The following KCNQ1OT1 variants were observed in gnomAD, a reference collection of about 807,000 sequenced individuals.
KCNQ1OT1 encodes KCNQ1 opposite strand/antisense transcript 1.
exon 1 of KCNQ1OT1, chr11:2,610,086 C>G: frequency 2.5e-6 from 1 of 397,872 alleles, no homozygotes; most frequent in East Asian, 3.6e-5. Context: ...TCTTGTTCCT[C>G]TATTTCTCCT....
In KCNQ1OT1 at chr11:2,671,870, G is replaced by A. The variant is rs1024819992; in HGVS notation, n.28125C>T. 2.0e-5 allele frequency: 8 copies of A among 398,698 alleles called. No homozygotes were observed. In the South Asian group the frequency reaches 1.0e-3, roughly 51 times the overall value. 24.7% of individuals were successfully genotyped at this position (398,698 alleles called of 1,614,324 possible). ...TTCTGCCCCAGGGAGCCAAGCCCTGGAGAGGAGGTGGGCAGCACCAGGCAG... is the reference window on the plus strand; with the variant it reads ...TTCTGCCCCAGGGAGCCAAGCCCTGAAGAGGAGGTGGGCAGCACCAGGCAG... On this transcript the variant is annotated non_coding_transcript_exon_variant, in exon 1 of 1. Coordinates refer to ENST00000597346, the Ensembl canonical transcript of KCNQ1OT1. The surrounding 1 kb of genome is among the most constrained non-coding windows in gnomAD (Gnocchi z 4.7).
exon 1 of KCNQ1OT1, chr11:2,672,066 G>C (rs1377849705): frequency 1.3e-5 from 5 of 398,516 alleles, no homozygotes. Flanking sequence ...TCCTCCCCTG[G>C]TCCCTGGTCT....
rs1018523882 is a variant in KCNQ1OT1 at position 2,676,679 on chromosome 11, G to A, written n.23316C>T. 13 of 398,532 alleles carry A rather than the reference G, an allele frequency of 3.3e-5. No individual in the cohort carries two copies. Among genetic ancestry groups the A allele is most frequent in the Non-Finnish European group, 4.9e-5 (11 of 226,076 alleles). The allele number at this position is 398,532 out of a possible 1,614,324, so 24.7% of individuals were successfully genotyped here. ...TAAGGTCTTGAGTATTTCCAAGGGA[G>A]CACTAACTGGACTACAGCCTGGCAG... On this transcript the variant is annotated non_coding_transcript_exon_variant, in exon 1 of 1. Transcript: ENST00000597346. The surrounding 1 kb of genome is among the most constrained non-coding windows in gnomAD (Gnocchi z 4.2).
Position 2,613,425 on chromosome 11 carries a change from G to A in KCNQ1OT1, n.86570C>T, listed in dbSNP as rs774110566. The A allele has an allele frequency of 1.0e-5, 4 of 398,560 alleles. No homozygotes were observed. Among genetic ancestry groups the A allele is most frequent in the Non-Finnish European group, 1.3e-5 (3 of 226,062 alleles). 24.7% of individuals were successfully genotyped at this position (398,560 alleles called of 1,614,324 possible). ...ACTGAAATCCTTGTTGCTTAACATA[G>A]TGCATAGGGTTTTCTATGGAATTCA... On this transcript the variant is annotated non_coding_transcript_exon_variant, in exon 1 of 1. Coordinates refer to ENST00000597346, the Ensembl canonical transcript of KCNQ1OT1. This position sits in a 1 kb window ranked among gnomAD's most constrained non-coding sequence, Gnocchi z 4.8.
chr11:2,662,415 T>G, exon 1 of KCNQ1OT1: 1 of 501,962 alleles, frequency 2.0e-6, no homozygotes, highest in Non-Finnish European at 3.5e-6. Context: ...GACGACTTTG[T>G]TTTTTAGCAT....
rs1202176786 is a variant in KCNQ1OT1 at position 2,620,935 on chromosome 11, G to GTT, written n.79058_79059dup. 1.2e-5 allele frequency: 4 copies of GTT among 331,584 alleles called. No homozygotes were observed. Among genetic ancestry groups the GTT allele is most frequent in the East Asian group, 4.2e-5 (1 of 24,028 alleles). The allele number at this position is 331,584 out of a possible 1,614,324, so 20.5% of individuals were successfully genotyped here. A position where few individuals can be genotyped will look rare whatever the true frequency, so the allele number is the denominator to read the frequency against. ...TATGGTTTGGTGTTTTTTTGTTGTT[G>GTT]TTGTTTTGTTTTGTTTTTTTTTGTC... On this transcript the variant is annotated non_coding_transcript_exon_variant, in exon 1 of 1. Transcript: ENST00000597346. The surrounding 1 kb of genome is among the most constrained non-coding windows in gnomAD (Gnocchi z 4.5).
exon 1 of KCNQ1OT1, chr11:2,672,562 T>C (rs1170572286): frequency 7.5e-6 from 3 of 398,566 alleles, no homozygotes; most frequent in Non-Finnish European, 1.3e-5. Flanking sequence ...GGTGGCCTTA[T>C]CAAACCACAT....
exon 1 of KCNQ1OT1, chr11:2,634,598 G>C (rs1404528102): frequency 6.6e-6 from 1 of 152,132 alleles, no homozygotes; most frequent in African/African-American, 2.4e-5. Flanking sequence ...ATTTGGGTTG[G>C]TTCCAAGTCT....
exon 1 of KCNQ1OT1, chr11:2,648,981 C>CTTTTTTTTTTTTTTTTTTTTTTTTTTTTT: frequency 2.3e-5 from 5 of 213,306 alleles, no homozygotes; most frequent in Admixed American, 1.9e-4. Context: ...TTTTCTTTTT[C>CTTTTTTTTTTTTTTTTTTTTTTTTTTTTT]TTTTTTTTTT....
exon 1 of KCNQ1OT1, chr11:2,630,030 T>C (rs570078170): frequency 1.1e-4 from 43 of 397,694 alleles, no homozygotes; most frequent in African/African-American, 7.6e-4. Flanking sequence ...CTTTTCAGCA[T>C]TGAGTATGAT....
Position 2,676,481 on chromosome 11 carries a change from G to A in KCNQ1OT1, n.23514C>T, listed in dbSNP as rs1337853430. On this transcript the variant is annotated non_coding_transcript_exon_variant, in exon 1 of 1. Transcript: ENST00000597346. This position sits in a 1 kb window ranked among gnomAD's most constrained non-coding sequence, Gnocchi z 4.2. ...TCAGATTGTTAGCTGTAGTCTTTCT[G>A]GCATCAGTTCCATTTCTGGTGAACA... 1.8e-5 allele frequency: 7 copies of A among 398,558 alleles called. No individual in the cohort carries two copies. The highest frequency in any genetic ancestry group is 3.1e-5 in the Non-Finnish European group (7 of 226,098). 24.7% of individuals were successfully genotyped at this position (398,558 alleles called of 1,614,324 possible).
exon 1 of KCNQ1OT1, chr11:2,638,026 G>C (rs898848061): frequency 7.9e-5 from 12 of 151,992 alleles, no homozygotes; most frequent in African/African-American, 2.7e-4. Flanking sequence ...TTTTCCATTT[G>C]CTTGGTAGAT....
Position 2,658,387 on chromosome 11 carries a change from C to T in KCNQ1OT1, n.41608G>A. ...GAGTATTTATTTTTTGAGTTATAGT[C>T]CAATATTATTTATTTTGTTGCTCAA... On this transcript the variant is annotated non_coding_transcript_exon_variant, in exon 1 of 1. Transcript: ENST00000597346. The surrounding 1 kb of genome is among the most constrained non-coding windows in gnomAD (Gnocchi z 4.9). 1 of 398,430 alleles carries T rather than the reference C, an allele frequency of 2.5e-6. No individual in the cohort carries two copies. The highest frequency in any genetic ancestry group is 4.4e-6 in the Non-Finnish European group (1 of 226,004). The allele number at this position is 398,430 out of a possible 1,614,324, so 24.7% of individuals were successfully genotyped here.
chr11:2,659,903 T>A lies in KCNQ1OT1; in HGVS notation n.40092A>T, dbSNP rs1026296405. 6.3e-5 allele frequency: 25 copies of A among 398,386 alleles called. No homozygotes were observed. The highest frequency in any genetic ancestry group is 1.1e-4 in the Non-Finnish European group (25 of 226,012). 24.7% of individuals were successfully genotyped at this position (398,386 alleles called of 1,614,324 possible). ...TAAAATTGGATTGTTCACTTTATTGTCAAGTTGTAAGCATTCTTTATATAT... is the reference window on the plus strand; with the variant it reads ...TAAAATTGGATTGTTCACTTTATTGACAAGTTGTAAGCATTCTTTATATAT... On this transcript the variant is annotated non_coding_transcript_exon_variant, in exon 1 of 1. Transcript: ENST00000597346. This position sits in a 1 kb window ranked among gnomAD's most constrained non-coding sequence, Gnocchi z 4.3.
chr11:2,672,274 G>T, exon 1 of KCNQ1OT1: 1 of 398,598 alleles, frequency 2.5e-6, no homozygotes, highest in Non-Finnish European at 4.4e-6. Context: ...ACTGCCCCAC[G>T]AACCCCACCA....
chr11:2,699,994 T>A (rs1289816849), exon 1 of KCNQ1OT1: 3 of 398,156 alleles, frequency 7.5e-6, no homozygotes, highest in African/African-American at 2.1e-5. Flanking sequence ...GCGACCGTTC[T>A]GCCTGGAGAC....
rs2133882668 is a variant in KCNQ1OT1, at chr11:2,682,782, G to A, written n.17213C>T. The A allele has an allele frequency of 2.5e-6, 1 of 398,646 alleles. No homozygotes were observed. Among genetic ancestry groups the A allele is most frequent in the South Asian group, 1.3e-4 (1 of 7,854 alleles). 24.7% of individuals were successfully genotyped at this position (398,646 alleles called of 1,614,324 possible). ...ACATTCTAGAAATGCAGGGAAATCT[G>A]GGCACCATGAAATGCAGTGACTTGC... On this transcript the variant is annotated non_coding_transcript_exon_variant, in exon 1 of 1. Transcript: ENST00000597346. The surrounding 1 kb of genome is among the most constrained non-coding windows in gnomAD (Gnocchi z 5.8).
At chr11:2,696,840 T>C (rs922728672) in exon 1 of KCNQ1OT1, 54 of 398,346 alleles carry the variant, frequency 1.4e-4, no homozygotes, top group African/African-American at 1.1e-3. Context: ...TCTATTATGC[T>C]TTTTTTTAGT....
exon 1 of KCNQ1OT1, chr11:2,622,080 T>C: frequency 5.0e-6 from 2 of 398,376 alleles, no homozygotes; most frequent in Non-Finnish European, 4.4e-6. Flanking sequence ...CCCACTGTCA[T>C]TTGTCTGAAG....
Sources: gnomAD v4.1 joint callset for allele counts on GRCh38, gnomAD v4.1.1 for gene constraint, Gnocchi (gnomAD v3.1) non-coding constraint, MANE v1.5 for transcripts, NCBI Gene and HGNC (gene_info 2026-07-23, HGNC 2026-07-21) for gene names.